The following PARVB variants were observed in gnomAD, a reference collection of about 807,000 sequenced individuals.
PARVB encodes the protein parvin beta.
Under a neutral mutation model 47.0 loss-of-function variants are expected in PARVB, and 46 were observed. The ratio of observed to expected loss-of-function variants is 0.98; its 90% CI spans 0.77 to 1.25. The LOEUF (loss-of-function observed/expected upper bound fraction) is 1.25. PARVB is among the 50% of genes most tolerant of loss of function. The probability of loss-of-function intolerance (pLI) is 0.00; values close to 1 mark genes in which losing one functional copy is unlikely to be tolerated. For synonymous variants in PARVB, 196 were observed against 196.3 expected (o/e 1.00, Z 0.01); for missense variants, 473 against 471.6 (o/e 1.00, Z -0.03).
chr22:44,114,331 C>CT (rs1013575712), intron 3 of PARVB: 9 of 149,072 alleles, frequency 6.0e-5, no homozygotes, highest in African/African-American at 2.3e-4. Context: ...TACATTGTTA[C>CT]TAAAGCCTTG....
chr22:44,165,940 C>T (rs772737452), intron 12 of PARVB, among the ~76,000 whole-genome samples: 1 of 152,194 alleles, frequency 6.6e-6, no homozygotes, highest in Non-Finnish European at 1.5e-5. Flanking sequence ...AGGAGAAATC[C>T]TTGCTCATGT....
chr22:44,099,916 G>A (rs1601599662), intron 2 of PARVB, 137 bp from the exon 3 acceptor site: 9 of 691,840 alleles, frequency 1.3e-5, no homozygotes, highest in Middle Eastern at 3.6e-4. Flanking sequence ...CCAGAAGGCG[G>A]TTCCTTGCAG....
Position 44,089,356 on chromosome 22 carries a change from C to T in PARVB, c.113-4572C>T, listed in dbSNP as rs1371397562. On this transcript the variant is annotated intron_variant, in intron 1 of 12. Coordinates refer to ENST00000338758, the MANE Select transcript of PARVB (RefSeq NM_013327.5). The surrounding 1 kb of genome is among the most constrained non-coding windows in gnomAD (Gnocchi z 4.0). The stretch of plus-strand genomic sequence containing the variant: ...AATCACCCATCTCATGAAATCAAGC[C>T]CCAGTCCCTTGGAAGCTCACACCCT... The T allele has an allele frequency of 2.6e-5, 4 of 152,476 alleles. No homozygotes were observed. The East Asian group carries it at 7.7e-4, about 29-fold the overall frequency. The allele number at this position is 152,476 out of a possible 1,614,324, so 9.4% of individuals were successfully genotyped here.
intron 6 of PARVB, among the ~76,000 whole-genome samples, chr22:44,134,772 G>C (rs2147170341): frequency 6.6e-6 from 1 of 152,304 alleles, no homozygotes; most frequent in South Asian, 2.1e-4. Flanking sequence ...GAAGGAAAGG[G>C]CCTTATTTAC....
intron 11 of PARVB, among the ~76,000 whole-genome samples, chr22:44,161,899 C>T (rs2054062073): frequency 6.6e-6 from 1 of 152,250 alleles, no homozygotes; most frequent in East Asian, 1.9e-4. Context: ...CCCGCATCTC[C>T]AGGCAGGCTG....
chr22:44,063,237 T>C (rs1437224795), intron 1 of PARVB, among the ~76,000 whole-genome samples: 1 of 151,588 alleles, frequency 6.6e-6, no homozygotes, highest in Non-Finnish European at 1.5e-5. Context: ...TTTTCTTTTT[T>C]TTTTTTTGAG....
Position 44,125,173 on chromosome 22 carries a change from A to AT in PARVB, c.376+6034dup, listed in dbSNP as rs1446484140. Among the ~76,000 whole-genome samples the AT allele has an allele frequency of 6.6e-6, 1 of 152,228 alleles. No homozygotes were observed. Among genetic ancestry groups the AT allele is most frequent in the East Asian group, 1.9e-4 (1 of 5,162 alleles). ...CTTATTCATCTGGCCCTCAGAAAGT[A>AT]TATTTGGAGGGAAACATGTCTGTGT... On this transcript the variant is annotated intron_variant, in intron 4 of 12. Coordinates refer to ENST00000338758, the MANE Select transcript of PARVB (RefSeq NM_013327.5). The surrounding 1 kb of genome is among the most constrained non-coding windows in gnomAD (Gnocchi z 4.1).
At position 44,068,366 on chromosome 22, in the gene PARVB, G is replaced by A. The variant is rs1355388857; in HGVS notation, c.113-25562G>A. ...CACCTGGTAGGGAGGGGCTGGGCCT[G>A]GTGTTATAAACCAGGAGAGGGTTCA... On this transcript the variant is annotated intron_variant, in intron 1 of 12. Transcript: ENST00000338758. The surrounding 1 kb of genome is among the most constrained non-coding windows in gnomAD (Gnocchi z 4.1). Among the ~76,000 whole-genome samples, 1 of 152,152 alleles carries A rather than the reference G, an allele frequency of 6.6e-6. No homozygotes were observed. The highest frequency in any genetic ancestry group is 1.5e-5 in the Non-Finnish European group (1 of 68,032).
chr22:44,092,330 C>T (rs1208884980), intron 1 of PARVB, among the ~76,000 whole-genome samples: 2 of 152,134 alleles, frequency 1.3e-5, no homozygotes, highest in African/African-American at 2.4e-5. Flanking sequence ...AGGATGGTCT[C>T]GATCTCTTGA....
chr22:44,075,582 C>G (rs1013168379), intron 1 of PARVB, among the ~76,000 whole-genome samples: 3 of 152,140 alleles, frequency 2.0e-5, no homozygotes, highest in African/African-American at 7.2e-5. Context: ...CTGAGATCCC[C>G]GTGCCCCACC....
intron 1 of PARVB, among the ~76,000 whole-genome samples, chr22:44,086,297 T>C (rs2147020322): frequency 6.6e-6 from 1 of 152,376 alleles, no homozygotes; most frequent in South Asian, 2.1e-4. Context: ...TTGTATGTTG[T>C]GCTCCATGGA....
Position 44,131,748 on chromosome 22 carries a change from G to T in PARVB, c.517+121G>T, listed in dbSNP as rs940111728. On this transcript the variant is annotated intron_variant, in intron 5 of 12. Coordinates refer to ENST00000338758, the MANE Select transcript of PARVB (RefSeq NM_013327.5). ...CATCTGGCCTTGCATCTTAAAATTG[G>T]GTTCATCTCCCTGCTCTGTAAGAGG... 13 of 1,100,562 alleles carry T rather than the reference G, an allele frequency of 1.2e-5. No homozygotes were observed. In the African/African-American group the frequency reaches 2.0e-4, roughly 17 times the overall value. The allele number at this position is 1,100,562 out of a possible 1,614,324, so 68.2% of individuals were successfully genotyped here. A position where few individuals can be genotyped will look rare whatever the true frequency, so the allele number is the denominator to read the frequency against.
At chr22:44,105,708 G>A (rs984301148) in intron 3 of PARVB, 2 of 152,236 alleles carry the variant, frequency 1.3e-5, no homozygotes, top group Non-Finnish European at 2.9e-5. Flanking sequence ...TAGATAGTAA[G>A]AGAACCGATG....
At position 44,125,264 on chromosome 22, in the gene PARVB, G is replaced by A. The variant is rs1311894609; in HGVS notation, c.376+6124G>A. On this transcript the variant is annotated intron_variant, in intron 4 of 12. Coordinates refer to ENST00000338758, the MANE Select transcript of PARVB (RefSeq NM_013327.5). The surrounding 1 kb of genome is among the most constrained non-coding windows in gnomAD (Gnocchi z 4.1). ...ATGTTCATTGGCTTACATGTGTCGG[G>A]TGGCTCTTGGCTGTAGAGACACAGT... 1.3e-5 allele frequency among the ~76,000 whole-genome samples: 2 copies of A among 151,606 alleles called. No homozygotes were observed. Among genetic ancestry groups the A allele is most frequent in the Non-Finnish European group, 2.9e-5 (2 of 67,874 alleles).
At chr22:44,024,234 G>T (rs1023961958), upstream of PARVB, 1 of 439,322 alleles carries the variant, frequency 2.3e-6, no homozygotes, top group South Asian at 9.1e-5. Context: ...GGGCGGGGGC[G>T]GGACCGGGGC....
At chr22:44,036,797 C>T (rs2050930620) in intron 1 of PARVB, among the ~76,000 whole-genome samples, 1 of 151,792 alleles carries the variant, frequency 6.6e-6, no homozygotes, top group Non-Finnish European at 1.5e-5. Context: ...GAGAGAACCC[C>T]TTTTTATTAA....
intron 2 of PARVB, among the ~76,000 whole-genome samples, chr22:44,006,873 C>T (rs777904409): frequency 5.3e-5 from 8 of 152,202 alleles, no homozygotes; most frequent in Non-Finnish European, 1.2e-4. Context: ...TGTTACCTAA[C>T]ATTTCCTTCT....
intron 4 of PARVB, among the ~76,000 whole-genome samples, chr22:44,123,064 G>C (rs1315698597): frequency 6.6e-6 from 1 of 152,200 alleles, no homozygotes; most frequent in Non-Finnish European, 1.5e-5. Context: ...ATTCTGAGAG[G>C]CTTCACCTCT....
At chr22:44,140,757 G>C (rs1256329533) in intron 8 of PARVB, 7 of 347,562 alleles carry the variant, frequency 2.0e-5, no homozygotes. Context: ...GCTTGGCCGG[G>C]GGACAGCCCT....
Sources: gnomAD v4.1 joint callset for allele counts (sites outside exome capture counted in the v4.1 genomes callset) on GRCh38, gnomAD v4.1.1 for gene constraint, Gnocchi (gnomAD v3.1) non-coding constraint, MANE v1.5 for transcripts, NCBI Gene and HGNC (gene_info 2026-07-23, HGNC 2026-07-21) for gene names.